Variants in CYP19A1 observed in about 807,000 individuals in gnomAD.
The protein encoded by CYP19A1 is cytochrome P450 family 19 subfamily A member 1, also known as aromatase.
CYP19A1 carries 32 observed loss-of-function variants against 44.4 expected under a neutral mutation model. The observed-to-expected ratio is 0.72, with a 90% CI of 0.54 to 0.97. The LOEUF (loss-of-function observed/expected upper bound fraction) is 0.97, where lower values mean the gene tolerates loss of function less well. Among genes scored for constraint, CYP19A1 ranks in the 50% least tolerant of loss-of-function variants. The pLI is 0.00. For synonymous variants in CYP19A1, 212 were observed against 215.6 expected (o/e 0.98, Z 0.14); for missense variants, 598 against 637.8 (o/e 0.94, Z 0.67).
chr15:51,317,034 A>G (rs1009045383), intron 1 of CYP19A1, among the ~76,000 whole-genome samples: 2 of 152,036 alleles, frequency 1.3e-5, no homozygotes, highest in Non-Finnish European at 2.9e-5. Flanking sequence ...TCCCCAACAC[A>G]AGGAGCCACC....
chr15:51,231,204 C>T (rs954083583), intron 3 of CYP19A1, among the ~76,000 whole-genome samples: 2 of 152,148 alleles, frequency 1.3e-5, no homozygotes, highest in South Asian at 2.1e-4. Context: ...AAATGTGCAA[C>T]CTTAATCTAA....
intron 1 of CYP19A1, among the ~76,000 whole-genome samples, chr15:51,274,164 C>T (rs1038576539): frequency 1.9e-4 from 29 of 152,140 alleles, no homozygotes; most frequent in African/African-American, 7.0e-4. Flanking sequence ...CCATATACAT[C>T]AATAGTACCA....
chr15:51,232,206 G>A lies in CYP19A1; in HGVS notation c.297-4273C>T, dbSNP rs556192920. 1.1e-4 allele frequency among the ~76,000 whole-genome samples: 17 copies of A among 152,146 alleles called. No homozygotes were observed. In the South Asian group the frequency reaches 3.3e-3, roughly 30 times the overall value. On this transcript the variant is annotated intron_variant, in intron 3 of 9. Coordinates refer to ENST00000396402, the MANE Select transcript of CYP19A1 (RefSeq NM_000103.4). ...TCTTCTCCCCCGATTCTCTTCTCTG[G>A]TCAGACTTTTGCCCCCACTAGTCCA...
At chr15:51,283,727 C>A (rs2035607342) in intron 1 of CYP19A1, among the ~76,000 whole-genome samples, 1 of 152,206 alleles carries the variant, frequency 6.6e-6, no homozygotes, top group African/African-American at 2.4e-5. Context: ...AAAAGGCAAT[C>A]ACTGGGCAAA....
intron 1 of CYP19A1, among the ~76,000 whole-genome samples, chr15:51,275,823 G>T (rs17647707): frequency 0.042 from 6,396 of 152,232 alleles, 292 homozygotes; most frequent in South Asian, 0.19. Context: ...TTTCCGTTCA[G>T]GTAGTAAAGT....
At chr15:51,288,977 C>T (rs2035778265) in intron 1 of CYP19A1, among the ~76,000 whole-genome samples, 1 of 152,234 alleles carries the variant, frequency 6.6e-6, no homozygotes, top group Non-Finnish European at 1.5e-5. Flanking sequence ...ATTCTGACCT[C>T]CTTCTTGCAG....
At chr15:51,295,089 T>C (rs1435290810) in intron 1 of CYP19A1, among the ~76,000 whole-genome samples, 4 of 150,502 alleles carry the variant, frequency 2.7e-5, no homozygotes, top group African/African-American at 9.7e-5. Flanking sequence ...AGCTGAATAC[T>C]CAAAATTCTT....
chr15:51,245,317 A>G (rs2033999829), intron 1 of CYP19A1, among the ~76,000 whole-genome samples: 1 of 152,198 alleles, frequency 6.6e-6, no homozygotes, highest in Non-Finnish European at 1.5e-5. Context: ...CCAGCAGGGT[A>G]AGAATATATT....
intron 1 of CYP19A1, among the ~76,000 whole-genome samples, chr15:51,286,937 G>T (rs2035716957): frequency 6.6e-6 from 1 of 152,162 alleles, no homozygotes; most frequent in African/African-American, 2.4e-5. Context: ...GGGACAGGAG[G>T]TCACTCTAGT....
chr15:51,214,283 CT>C (rs1384437541), intron 8 of CYP19A1, among the ~76,000 whole-genome samples: 9 of 152,164 alleles, frequency 5.9e-5, no homozygotes, highest in Non-Finnish European at 1.2e-4. Context: ...AGTTTGATTT[CT>C]TTCAAAGATG....
At chr15:51,275,541 T>G (rs112769794) in intron 1 of CYP19A1, among the ~76,000 whole-genome samples, 52 of 152,348 alleles carry the variant, frequency 3.4e-4, no homozygotes, top group African/African-American at 1.2e-3. Flanking sequence ...AGGTAACATC[T>G]GGCAAACTGC....
chr15:51,273,569 G>C (rs532507446), intron 1 of CYP19A1, among the ~76,000 whole-genome samples: 1 of 152,194 alleles, frequency 6.6e-6, no homozygotes, highest in South Asian at 2.1e-4. Flanking sequence ...ACTGGAATGG[G>C]AGTCAAGAGA....
At chr15:51,264,322 G>A (rs1394735779) in intron 1 of CYP19A1, among the ~76,000 whole-genome samples, 2 of 152,126 alleles carry the variant, frequency 1.3e-5, no homozygotes, top group African/African-American at 4.8e-5. Context: ...GGGTAGTCAG[G>A]GCATTGGTTG....
chr15:51,254,864 G>T (rs58066289), intron 1 of CYP19A1, among the ~76,000 whole-genome samples: 1 of 152,060 alleles, frequency 6.6e-6, no homozygotes. Flanking sequence ...TACAACTTGC[G>T]GTTTCCTTTC....
intron 1 of CYP19A1, among the ~76,000 whole-genome samples, chr15:51,285,264 C>T (rs1005515707): frequency 1.3e-4 from 20 of 151,940 alleles, no homozygotes; most frequent in African/African-American, 4.6e-4. Context: ...TAAGGGTCCT[C>T]TTGTAAAAGG....
chr15:51,244,711 A>T (rs188909794), intron 1 of CYP19A1, among the ~76,000 whole-genome samples: 2 of 152,334 alleles, frequency 1.3e-5, no homozygotes, highest in East Asian at 3.9e-4. Flanking sequence ...TGGTTGCAAC[A>T]AAAAGGATGA....
chr15:51,240,592 C>A (rs953196985), intron 2 of CYP19A1, among the ~76,000 whole-genome samples: 1 of 152,116 alleles, frequency 6.6e-6, no homozygotes, highest in Non-Finnish European at 1.5e-5. Context: ...AAAGCCACCC[C>A]AAACAAGGCC....
chr15:51,242,813 G>A lies in CYP19A1; in HGVS notation c.100C>T (p.Leu34Phe). The A allele has an allele frequency of 6.3e-7, 1 of 1,582,588 alleles. No homozygotes were observed. The highest frequency in any genetic ancestry group is 8.7e-7 in the Non-Finnish European group (1 of 1,151,226). ...TCATAATTCCACACCAAGAGAAAAA[G>A]GCCAGTGAGGAGCAGGACTGGCATG... Reference protein sequence around the residue: ...ATMPVLLLTGLFLLVWNYEGT... With the variant: ...ATMPVLLLTGFFLLVWNYEGT... The change falls in exon 2 of 10, where the codon CTT (leucine) becomes TTT (phenylalanine). Residue 34 changes from leucine to phenylalanine, a missense_variant. Transcript: ENST00000396402.
At chr15:51,280,321 ATC>A (rs2035475322) in intron 1 of CYP19A1, among the ~76,000 whole-genome samples, 2 of 151,038 alleles carry the variant, frequency 1.3e-5, no homozygotes, top group South Asian at 4.2e-4. Context: ...GATGGTCTTG[ATC>A]TCCTGACCTC....
Sources: gnomAD v4.1 joint callset for allele counts (sites outside exome capture counted in the v4.1 genomes callset) on GRCh38, gnomAD v4.1.1 for gene constraint, MANE v1.5 for transcripts, NCBI Gene and HGNC (gene_info 2026-07-23, HGNC 2026-07-21) for gene names.